Variants in SMURF2 observed in about 807,000 individuals in gnomAD.
SMURF2 encodes E3 ubiquitin-protein ligase SMURF2.
SMURF2 carries 48 observed loss-of-function variants against 109.6 expected under a neutral mutation model. The observed-to-expected ratio is 0.44, with a 90% CI of 0.35 to 0.56. SMURF2 has a LOEUF of 0.56. Ranked by LOEUF, SMURF2 falls within the 20% of genes least tolerant of loss-of-function variation. The pLI, the probability that SMURF2 is intolerant of heterozygous loss-of-function variation, is 0.01. For synonymous variants in SMURF2, 288 were observed against 317.1 expected, an observed-to-expected ratio of 0.91 and a Z score of 0.97; for missense variants, 575 against 909.0, an observed-to-expected ratio of 0.63 and a Z score of 4.72.
intron 10 of SMURF2, among the ~76,000 whole-genome samples, chr17:64,570,847 C>T (rs1190005235): frequency 6.6e-6 from 1 of 152,188 alleles, no homozygotes; most frequent in Non-Finnish European, 1.5e-5. Context: ...GTGGCGCGAT[C>T]ACAGCTCACT....
At chr17:64,566,499 TAAG>T (rs1202273577) in intron 10 of SMURF2, among the ~76,000 whole-genome samples, 3 of 140,890 alleles carry the variant, frequency 2.1e-5, no homozygotes, top group Non-Finnish European at 4.5e-5. Flanking sequence ...ATCCTGTCCT[TAAG>T]AAGAAAAAAA....
In SMURF2 at chr17:64,547,928, G is replaced by T; in HGVS notation, c.1870-127C>A. On this transcript the variant is annotated intron_variant, in intron 16 of 18. Coordinates refer to ENST00000262435, the MANE Select transcript of SMURF2 (RefSeq NM_022739.4). This position sits in a 1 kb window ranked among gnomAD's most constrained non-coding sequence, Gnocchi z 4.2. The stretch of plus-strand genomic sequence containing the variant: ...GGTTCCTAATTAAAGATGCACATCA[G>T]AATCATCTGAAAAGCTTTTCAAATT... 1.4e-6 allele frequency: 1 copy of T among 731,598 alleles called. No homozygotes were observed. The highest frequency in any genetic ancestry group is 2.3e-6 in the Non-Finnish European group (1 of 438,578). The allele number at this position is 731,598 out of a possible 1,614,324, so 45.3% of individuals were successfully genotyped here. A position where few individuals can be genotyped will look rare whatever the true frequency, so the allele number is the denominator to read the frequency against.
At chr17:64,595,358 TAG>T (rs1246081798) in intron 3 of SMURF2, among the ~76,000 whole-genome samples, 1 of 152,214 alleles carries the variant, frequency 6.6e-6, no homozygotes, top group Non-Finnish European at 1.5e-5. Flanking sequence ...TTCTTATACA[TAG>T]AGAAGTACAT....
chr17:64,606,591 A>C lies in SMURF2; in HGVS notation c.91+11T>G, dbSNP rs782147348. 6.5e-7 allele frequency: 1 copy of C among 1,530,040 alleles called. No homozygotes were observed. The highest frequency in any genetic ancestry group is 2.3e-5 in the East Asian group (1 of 43,814). 94.8% of individuals were successfully genotyped at this position (1,530,040 alleles called of 1,614,324 possible). A position where few individuals can be genotyped will look rare whatever the true frequency, so the allele number is the denominator to read the frequency against. ...CATACAATACACAAGATTTAAAGTT[A>C]ATTTACTTACGGAAAAAATCCTTTT... On this transcript the variant is annotated intron_variant, in intron 2 of 18. Coordinates refer to ENST00000262435, the MANE Select transcript of SMURF2 (RefSeq NM_022739.4).
At chr17:64,605,602 G>A (rs782545353) in intron 2 of SMURF2, among the ~76,000 whole-genome samples, 4 of 150,982 alleles carry the variant, frequency 2.6e-5, no homozygotes, top group African/African-American at 7.3e-5. Context: ...GCTGGACGTG[G>A]TGAAGTGTGT....
intron 2 of SMURF2, among the ~76,000 whole-genome samples, chr17:64,605,951 T>C (rs1458571787): frequency 6.6e-6 from 1 of 150,698 alleles, no homozygotes; most frequent in Non-Finnish European, 1.5e-5. Context: ...AAAAATTATA[T>C]CATTTTTAAC....
At chr17:64,633,462 T>C (rs1434694479) in intron 1 of SMURF2, among the ~76,000 whole-genome samples, 3 of 152,194 alleles carry the variant, frequency 2.0e-5, no homozygotes, top group African/African-American at 7.2e-5. Flanking sequence ...TATCATTCCA[T>C]CCCAGGTGAA....
At chr17:64,565,401 GGCTTTATCAAACAA>G (rs1969285587) in intron 10 of SMURF2, among the ~76,000 whole-genome samples, 1 of 152,118 alleles carries the variant, frequency 6.6e-6, no homozygotes, top group Admixed American at 6.6e-5. Flanking sequence ...AATGTCTAAA[GGCTTTATCAAACAA>G]GCAAATGATT....
chr17:64,601,298 A>G (rs1278135415), intron 2 of SMURF2, among the ~76,000 whole-genome samples: 4 of 152,148 alleles, frequency 2.6e-5, no homozygotes, highest in African/African-American at 9.7e-5. Context: ...AACAGCTGAC[A>G]AAGGACTAAT....
chr17:64,588,573 T>C (rs559639805), intron 5 of SMURF2, among the ~76,000 whole-genome samples: 1 of 152,256 alleles, frequency 6.6e-6, no homozygotes, highest in Admixed American at 6.5e-5. Flanking sequence ...TACATATTTA[T>C]GTATATAAAA....
chr17:64,566,593 A>ATTTTT (rs1568176881), intron 10 of SMURF2, among the ~76,000 whole-genome samples: 2 of 6,312 alleles, frequency 3.2e-4, no homozygotes, highest in Non-Finnish European at 6.4e-4. Context: ...TTTTTTTTTG[A>ATTTTT]GACAGTCTCG....
At chr17:64,637,923 C>CA (rs59701513) in intron 1 of SMURF2, among the ~76,000 whole-genome samples, 10,978 of 72,392 alleles carry the variant, frequency 0.15, 1,160 homozygotes, top group African/African-American at 0.27. Flanking sequence ...GCGCCCTAGT[C>CA]AAAAAAAAAA....
intron 1 of SMURF2, among the ~76,000 whole-genome samples, chr17:64,654,842 T>A (rs909056716): frequency 1.7e-4 from 26 of 151,708 alleles, no homozygotes; most frequent in Admixed American, 4.6e-4. Context: ...AAAATAATAA[T>A]AATAAATAAA....
rs75354446 is a variant in SMURF2, at chr17:64,594,393, T to C, written c.201-820A>G. On this transcript the variant is annotated intron_variant, in intron 3 of 18. Coordinates refer to ENST00000262435, the MANE Select transcript of SMURF2 (RefSeq NM_022739.4). ...CCATTTAAGTAAGGACTAAAGCTTT[T>C]AAATAAGTGACATGGAAGGTACACT... 5.7e-3 allele frequency among the ~76,000 whole-genome samples: 861 copies of C among 152,248 alleles called. 9 individuals carry two copies. Among genetic ancestry groups the C allele is most frequent in the African/African-American group, 0.018 (731 of 41,546 alleles).
intron 1 of SMURF2, among the ~76,000 whole-genome samples, chr17:64,639,353 G>C (rs921922093): frequency 3.6e-4 from 54 of 152,102 alleles, no homozygotes; most frequent in African/African-American, 1.3e-3. Context: ...GAGGTGAGTG[G>C]ATCACTTGAG....
Position 64,547,579 on chromosome 17 carries a change from G to A in SMURF2, c.2071+21C>T, listed in dbSNP as rs1388512945. 82 of 1,579,222 alleles carry A rather than the reference G, an allele frequency of 5.2e-5. No individual in the cohort carries two copies. Among genetic ancestry groups the A allele is most frequent in the Non-Finnish European group, 6.8e-5 (78 of 1,152,462 alleles). ...CCCGCCCCCACCCGCTGCCCAGCTTGCCTGCACCTCAGGCTGTTACCTTGC... is the reference window on the plus strand; with the variant it reads ...CCCGCCCCCACCCGCTGCCCAGCTTACCTGCACCTCAGGCTGTTACCTTGC... On this transcript the variant is annotated intron_variant, in intron 17 of 18. Coordinates refer to ENST00000262435, the MANE Select transcript of SMURF2 (RefSeq NM_022739.4). The surrounding 1 kb of genome is among the most constrained non-coding windows in gnomAD (Gnocchi z 4.2).
rs1183415859 is a variant in SMURF2 at position 64,544,160 on chromosome 17, C to T, written c.*1688G>A. On this transcript the variant is annotated 3_prime_UTR_variant, in exon 19 of 19. Coordinates refer to ENST00000262435, the MANE Select transcript of SMURF2 (RefSeq NM_022739.4). ...CCCCATGAAAGCTTACTTGAAATTC[C>T]AATATACATAAGAAAAATGGGCTGT... The T allele has an allele frequency of 6.6e-6, 1 of 152,114 alleles. No individual in the cohort carries two copies. Among genetic ancestry groups the T allele is most frequent in the African/African-American group, 2.4e-5 (1 of 41,408 alleles). The allele number at this position is 152,114 out of a possible 1,614,324, so 9.4% of individuals were successfully genotyped here.
intron 1 of SMURF2, among the ~76,000 whole-genome samples, chr17:64,659,516 CTTTTTTTT>C (rs60004963): frequency 7.4e-6 from 1 of 135,616 alleles, no homozygotes; most frequent in Non-Finnish European, 1.6e-5. Flanking sequence ...AAAGAATCAA[CTTTTTTTT>C]TTTTTTTTTT....
intron 7 of SMURF2, among the ~76,000 whole-genome samples, chr17:64,582,801 G>A (rs1969595424): frequency 6.6e-6 from 1 of 151,978 alleles, no homozygotes; most frequent in Non-Finnish European, 1.5e-5. Context: ...GTTTCTCCAT[G>A]TTGGTCAGGC....
Sources: gnomAD v4.1 joint callset for allele counts (sites outside exome capture counted in the v4.1 genomes callset) on GRCh38, gnomAD v4.1.1 for gene constraint, Gnocchi (gnomAD v3.1) non-coding constraint, MANE v1.5 for transcripts, NCBI Gene and HGNC (gene_info 2026-07-23, HGNC 2026-07-21) for gene names.